FBXL18: variants seen among roughly 807,000 people sequenced by gnomAD.
FBXL18 encodes the protein F-box and leucine rich repeat protein 18.
FBXL18 carries 36 observed loss-of-function variants against 46.0 expected under a neutral mutation model. The observed-to-expected ratio is 0.78, with a 90% CI of 0.60 to 1.03. FBXL18 has a LOEUF of 1.03. Ranked by LOEUF, FBXL18 falls within the 50% of genes least tolerant of loss-of-function variation. The probability of loss-of-function intolerance (pLI) is 0.00; values close to 1 mark genes in which losing one functional copy is unlikely to be tolerated. For missense variants in FBXL18, 977 were observed against 1,004.1 expected (o/e 0.97, Z 0.36); for synonymous variants, 557 against 465.3 (o/e 1.20, Z -2.54).
At chr7:5,508,161 G>A (rs1181284921) in intron 1 of FBXL18, among the ~76,000 whole-genome samples, 2 of 151,910 alleles carry the variant, frequency 1.3e-5, no homozygotes, top group Non-Finnish European at 2.9e-5. Context: ...AGCTACTCGG[G>A]AGGCCAAGGC....
Position 5,481,552 on chromosome 7 carries a change from G to A in FBXL18, c.*223C>T. 6.1e-6 allele frequency: 3 copies of A among 493,988 alleles called. No individual in the cohort carries two copies. The highest frequency in any genetic ancestry group is 4.6e-5 in the South Asian group (2 of 43,228). 30.6% of individuals were successfully genotyped at this position (493,988 alleles called of 1,614,324 possible). A position where few individuals can be genotyped will look rare whatever the true frequency, so the allele number is the denominator to read the frequency against. ...GCCCCCCACATCGACCGTCCCCCGA[G>A]CCCCCTCATGTCACCCAGAACGCAT... is the stretch of plus-strand genomic sequence containing the variant. On this transcript the variant is annotated 3_prime_UTR_variant, in exon 5 of 5. Transcript: ENST00000382368.
rs913713331 is a variant in FBXL18, at chr7:5,455,475, T to A, written c.2001-7632A>T. On this transcript the variant is annotated intron_variant and NMD_transcript_variant, in intron 4 of 6. Coordinates refer to the FBXL18 transcript ENST00000415009. The surrounding 1 kb of genome is among the most constrained non-coding windows in gnomAD (Gnocchi z 4.6). ...GGGAGCACTACCTTAGTCTCCTTGC[T>A]CGCCACTGGCTTCACTGGCGTCAGA... Among the ~76,000 whole-genome samples the A allele has an allele frequency of 1.3e-5, 2 of 152,040 alleles. No individual in the cohort carries two copies. The highest frequency in any genetic ancestry group is 4.8e-5 in the African/African-American group (2 of 41,390).
intron 2 of FBXL18, among the ~76,000 whole-genome samples, chr7:5,502,862 G>A (rs1181267053): frequency 1.3e-5 from 2 of 150,452 alleles, no homozygotes; most frequent in Non-Finnish European, 3.0e-5. Context: ...TTTGGTGGTG[G>A]TTCCTCAAAA....
At chr7:5,499,109 G>A (rs1784161817) in intron 3 of FBXL18, among the ~76,000 whole-genome samples, 1 of 152,116 alleles carries the variant, frequency 6.6e-6, no homozygotes. Context: ...GCTCTGGGAT[G>A]GGTCCTGCTC....
chr7:5,505,730 G>A, intron 1 of FBXL18, 100 bp from the exon 2 acceptor site: 1 of 930,144 alleles, frequency 1.1e-6, no homozygotes. Flanking sequence ...CTTATCCATG[G>A]GAAAGAAGGT....
At position 5,478,028 on chromosome 7, in the gene FBXL18, C is replaced by T. The variant is rs1166025461; in HGVS notation, c.*3747G>A. On this transcript the variant is annotated 3_prime_UTR_variant, in exon 5 of 5. Coordinates refer to ENST00000382368, the MANE Select transcript of FBXL18 (RefSeq NM_024963.6). ...GGTCCAACGGCCTGTGGCTCTGGGTCCGGACCCAGGGTGTGGTTGAGGGAG... is the reference window on the plus strand; with the variant it reads ...GGTCCAACGGCCTGTGGCTCTGGGTTCGGACCCAGGGTGTGGTTGAGGGAG... 6.6e-6 allele frequency: 1 copy of T among 152,388 alleles called. No individual in the cohort carries two copies. Among genetic ancestry groups the T allele is most frequent in the Non-Finnish European group, 1.5e-5 (1 of 68,170 alleles). The allele number at this position is 152,388 out of a possible 1,614,324, so 9.4% of individuals were successfully genotyped here. A position where few individuals can be genotyped will look rare whatever the true frequency, so the allele number is the denominator to read the frequency against.
chr7:5,472,868 T>C (rs984949463), downstream of FBXL18, among the ~76,000 whole-genome samples: 5 of 152,172 alleles, frequency 3.3e-5, no homozygotes, highest in African/African-American at 1.2e-4. Flanking sequence ...TGCCTTGTTA[T>C]GTACAAGACA....
chr7:5,468,818 C>T (rs1234061309), intron 4 of FBXL18, among the ~76,000 whole-genome samples: 1 of 151,914 alleles, frequency 6.6e-6, no homozygotes, highest in East Asian at 1.9e-4. Context: ...CCAGGCTGAT[C>T]TCAAATTCCT....
At chr7:5,483,761 A>C (rs987622471) in intron 4 of FBXL18, among the ~76,000 whole-genome samples, 5 of 152,060 alleles carry the variant, frequency 3.3e-5, no homozygotes, top group Admixed American at 6.6e-5. Context: ...AAGACAAAAA[A>C]AAAATCCAGA....
intron 4 of FBXL18, among the ~76,000 whole-genome samples, chr7:5,486,946 G>C (rs115060030): frequency 6.6e-6 from 1 of 152,252 alleles, no homozygotes; most frequent in Non-Finnish European, 1.5e-5. Flanking sequence ...GAAAAAAGAC[G>C]AGAAAGAGAA....
intron 4 of FBXL18, among the ~76,000 whole-genome samples, chr7:5,463,737 T>TTATTTTA (rs1783297745): frequency 2.8e-5 from 1 of 35,936 alleles, no homozygotes; most frequent in African/African-American, 1.0e-4. Flanking sequence ...TATTTTTTTT[T>TTATTTTA]TTTTTTTTTT....
chr7:5,502,250 G>T lies in FBXL18; in HGVS notation c.238-219C>A, dbSNP rs1784286658. Among the ~76,000 whole-genome samples, 3 of 152,232 alleles carry T rather than the reference G, an allele frequency of 2.0e-5. No individual in the cohort carries two copies. In the South Asian group the frequency reaches 6.2e-4, roughly 32 times the overall value. On this transcript the variant is annotated intron_variant, in intron 2 of 4. Coordinates refer to ENST00000382368, the MANE Select transcript of FBXL18 (RefSeq NM_024963.6). ...GTGCAGCCACGGTAGAAAACGGTTTGGCAGGTGGGCACGGTGGCTCATGCC... is the reference window on the plus strand; with the variant it reads ...GTGCAGCCACGGTAGAAAACGGTTTTGCAGGTGGGCACGGTGGCTCATGCC...
chr7:5,463,000 T>TAC (rs1783278367), intron 4 of FBXL18, among the ~76,000 whole-genome samples: 2 of 83,858 alleles, frequency 2.4e-5, no homozygotes, highest in Non-Finnish European at 4.9e-5. Context: ...ATATATAATA[T>TAC]ATATACACAC....
intron 4 of FBXL18, among the ~76,000 whole-genome samples, chr7:5,489,015 C>T (rs1443069216): frequency 6.6e-6 from 1 of 152,224 alleles, no homozygotes; most frequent in East Asian, 1.9e-4. Context: ...AGCCAAGGGG[C>T]TGAGCTGGAA....
rs142730636 is a variant in FBXL18 at position 5,468,586 on chromosome 7, G to A, written c.2001-20743C>T. On this transcript the variant is annotated intron_variant and NMD_transcript_variant, in intron 4 of 6. Coordinates refer to the FBXL18 transcript ENST00000415009. ...TAGAAAAGGAACATAATAGAACTAA[G>A]TTTACCTCTTTTTATATTTATTTAG... is the stretch of plus-strand genomic sequence containing the variant. Among the ~76,000 whole-genome samples the A allele has an allele frequency of 7.0e-3, 1,068 of 152,182 alleles. 15 individuals carry two copies. The highest frequency in any genetic ancestry group is 0.024 in the African/African-American group (993 of 41,512).
chr7:5,510,956 G>C (rs1215016730), intron 1 of FBXL18, among the ~76,000 whole-genome samples: 1 of 152,192 alleles, frequency 6.6e-6, no homozygotes, highest in Admixed American at 6.6e-5. Flanking sequence ...GTGGTTTAAA[G>C]AGTTTAGTTA....
intron 1 of FBXL18, among the ~76,000 whole-genome samples, chr7:5,512,643 T>C (rs974257575): frequency 2.6e-5 from 4 of 152,062 alleles, no homozygotes; most frequent in African/African-American, 9.7e-5. Context: ...AGAGGGGGCT[T>C]TAAGCTGTAA....
intron 4 of FBXL18, among the ~76,000 whole-genome samples, chr7:5,466,469 A>G (rs1290619559): frequency 6.6e-6 from 1 of 152,110 alleles, no homozygotes; most frequent in Non-Finnish European, 1.5e-5. Flanking sequence ...TCCAGCACAC[A>G]GAGTTGCTAG....
intron 1 of FBXL18, among the ~76,000 whole-genome samples, chr7:5,506,439 G>C (rs1463914243): frequency 6.6e-6 from 1 of 151,822 alleles, no homozygotes; most frequent in African/African-American, 2.4e-5. Context: ...ATTTTTAGTA[G>C]AGACGGGGTT....
Sources: allele counts gnomAD v4.1 joint callset (sites outside exome capture counted in the v4.1 genomes callset), GRCh38; gene constraint gnomAD v4.1.1; non-coding constraint Gnocchi (gnomAD v3.1); transcripts MANE v1.5; gene names NCBI Gene and HGNC (gene_info 2026-07-23, HGNC 2026-07-21).